The following MSH3 variants were observed in gnomAD, a reference collection of about 807,000 sequenced individuals.
The protein encoded by MSH3 is DNA mismatch repair protein Msh3.
In MSH3, 106 loss-of-function variants were observed where a neutral mutation model predicts 123.3. The ratio of observed to expected loss-of-function variants is 0.86; its 90% CI spans 0.73 to 1.01. MSH3 has a LOEUF of 1.01. MSH3 is among the 50% of genes least tolerant of loss of function. The probability of loss-of-function intolerance (pLI) is 0.00; values close to 1 mark genes in which losing one functional copy is unlikely to be tolerated. For synonymous variants in MSH3, 515 were observed against 481.4 expected, an observed-to-expected ratio of 1.07 and a Z score of -0.91; for missense variants, 1,459 against 1,347.6, an observed-to-expected ratio of 1.08 and a Z score of -1.29.
Position 80,675,250 on chromosome 5 carries a change from A to G in MSH3, c.1173+122A>G. The G allele has an allele frequency of 2.6e-6, 3 of 1,147,976 alleles. No homozygotes were observed. The Admixed American group carries it at 6.1e-5, about 23-fold the overall frequency. 71.1% of individuals were successfully genotyped at this position (1,147,976 alleles called of 1,614,324 possible). On this transcript the variant is annotated intron_variant, in intron 7 of 23. Coordinates refer to ENST00000265081, the MANE Select transcript of MSH3 (RefSeq NM_002439.5). ...GTGTACCTTCAGATAATTATACAAG[A>G]AAAACATTTTTCTCACAATATTATA...
At chr5:80,761,465 A>G in intron 12 of MSH3, 81 bp from the exon 13 acceptor site, 2 of 1,539,142 alleles carry the variant, frequency 1.3e-6, no homozygotes, top group Non-Finnish European at 1.8e-6. Context: ...GCTGTGTCAC[A>G]TTCCTGGGCA....
At chr5:80,800,138 A>C (rs1744767054) in intron 19 of MSH3, among the ~76,000 whole-genome samples, 1 of 152,262 alleles carries the variant, frequency 6.6e-6, no homozygotes. Flanking sequence ...GGAACACTTA[A>C]TAGAATGTAC....
At position 80,674,997 on chromosome 5, in the gene MSH3, A is replaced by G. The variant is rs1470780981; in HGVS notation, c.1042A>G (p.Ile348Val). Residue 348 changes from isoleucine to valine, a missense_variant, in exon 7 of 24, where the codon ATC (isoleucine) becomes GTC (valine). Coordinates refer to ENST00000265081, the MANE Select transcript of MSH3 (RefSeq NM_002439.5). ...ATTATTATTAAATGTGAATCCCCTA[A>G]TCAAGCTGGATGATGCTGTAAATGT... ...TLIGEDVNPL[I>V]KLDDAVNVDE... The G allele has an allele frequency of 1.2e-6, 2 of 1,607,890 alleles. No individual in the cohort carries two copies. Among genetic ancestry groups the G allele is most frequent in the Admixed American group, 1.7e-5 (1 of 59,992 alleles).
intron 20 of MSH3, among the ~76,000 whole-genome samples, chr5:80,820,378 G>A (rs770523277): frequency 6.6e-6 from 1 of 152,162 alleles, no homozygotes; most frequent in Non-Finnish European, 1.5e-5. Context: ...ATATTGGGTA[G>A]TATCACACAG....
chr5:80,867,814 G>A (rs554119176), intron 22 of MSH3, among the ~76,000 whole-genome samples: 1 of 152,224 alleles, frequency 6.6e-6, no homozygotes, highest in South Asian at 2.1e-4. Flanking sequence ...ATAGATGGTG[G>A]ATATTAGACC....
At chr5:80,811,070 A>G (rs993213114) in intron 19 of MSH3, among the ~76,000 whole-genome samples, 3 of 152,070 alleles carry the variant, frequency 2.0e-5, no homozygotes, top group Admixed American at 2.0e-4. Context: ...TCTGTCCCCA[A>G]GCGTTTTGGA....
At chr5:80,848,365 A>C (rs990652430) in intron 20 of MSH3, among the ~76,000 whole-genome samples, 2 of 152,152 alleles carry the variant, frequency 1.3e-5, no homozygotes, top group Admixed American at 1.3e-4. Flanking sequence ...TTCTTCATAG[A>C]CTTTTCTTGT....
rs71879707 is a variant in MSH3, at chr5:80,876,628, C to CAA, written c.*778_*779dup. 1.6e-5 allele frequency among the ~76,000 whole-genome samples: 2 copies of CAA among 126,266 alleles called. No individual in the cohort carries two copies. Among genetic ancestry groups the CAA allele is most frequent in the African/African-American group, 3.1e-5 (1 of 32,390 alleles). The allele number at this position is 126,266 out of a possible 152,430, so 82.8% of individuals were successfully genotyped here. On this transcript the variant is annotated 3_prime_UTR_variant, in exon 24 of 24. Coordinates refer to ENST00000265081, the MANE Select transcript of MSH3 (RefSeq NM_002439.5). ...TGGGCAACAGAGCAAGACTCCATCT[C>CAA]AAAAAAAAAAAAAGAAAAAAGAAAA...
chr5:80,729,070 T>C, intron 10 of MSH3, 105 bp downstream of exon 10: 1 of 732,764 alleles, frequency 1.4e-6, no homozygotes, highest in Non-Finnish European at 2.4e-6. Flanking sequence ...CTGCTATTGA[T>C]AGAATACTAG....
At chr5:80,720,480 C>T (rs1357648965) in intron 8 of MSH3, among the ~76,000 whole-genome samples, 1 of 148,052 alleles carries the variant, frequency 6.8e-6, no homozygotes, top group Non-Finnish European at 1.5e-5. Flanking sequence ...CTTTCATTTC[C>T]TGCTTCTTAT....
At chr5:80,851,991 T>G (rs1745837736) in intron 20 of MSH3, among the ~76,000 whole-genome samples, 1 of 152,200 alleles carries the variant, frequency 6.6e-6, no homozygotes, top group Admixed American at 6.5e-5. Flanking sequence ...TTTACTGTTT[T>G]AGAAAGCACT....
rs1749546941 is a variant in MSH3, at chr5:80,665,344, A to G, written c.560A>G (p.Lys187Arg). The stretch of plus-strand genomic sequence containing the variant: ...AATGCAGTTTCTTCTGAAGATTCGA[A>G]ACGTCAAATTAATCAAAAGGTATGT... The part of the protein sequence containing the change: ...AKNAVSSEDS[K>R]RQINQKDTTL... Residue 187 changes from lysine to arginine, a missense_variant, in exon 3 of 24, where the codon AAA becomes AGA. Physicochemically the swap from Lys to Arg is conservative, Grantham distance 26. Transcript: ENST00000265081. 6.2e-7 allele frequency: 1 copy of G among 1,612,336 alleles called. No homozygotes were observed. The highest frequency in any genetic ancestry group is 8.5e-7 in the Non-Finnish European group (1 of 1,179,648).
intron 18 of MSH3, 62 bp from the exon 19 acceptor site, chr5:80,792,671 A>T: frequency 2.0e-6 from 2 of 1,002,046 alleles, no homozygotes; most frequent in East Asian, 2.5e-5. Flanking sequence ...ATGCTATCTT[A>T]GAGTTTTTTT....
intron 20 of MSH3, among the ~76,000 whole-genome samples, chr5:80,845,268 C>G (rs1745700612): frequency 6.6e-6 from 1 of 152,204 alleles, no homozygotes; most frequent in African/African-American, 2.4e-5. Context: ...GCCAAGAGAT[C>G]CACTGTTAGT....
chr5:80,721,652 T>C (rs1464926563), intron 8 of MSH3, among the ~76,000 whole-genome samples: 1 of 152,212 alleles, frequency 6.6e-6, no homozygotes, highest in African/African-American at 2.4e-5. Context: ...GATGCAGTTA[T>C]AGTGTAGTAC....
rs1409167203 is a variant in MSH3, at chr5:80,838,697, A to G, written c.2814-15433A>G. Among the ~76,000 whole-genome samples the G allele has an allele frequency of 4.6e-5, 7 of 152,184 alleles. No individual in the cohort carries two copies. In the East Asian group the frequency reaches 1.4e-3, roughly 29 times the overall value. On this transcript the variant is annotated intron_variant, in intron 20 of 23. Transcript: ENST00000265081. ...GAGTAGAGGATTTTTTTTTTAATCA[A>G]CCTCTTCTTTTTACAGACAAGGAAG...
intron 10 of MSH3, among the ~76,000 whole-genome samples, chr5:80,739,761 C>T (rs6151742): frequency 0.011 from 1,634 of 152,288 alleles, 10 homozygotes; most frequent in Non-Finnish European, 0.017. Flanking sequence ...TACTAGGCAA[C>T]GTTCCTAATT....
intron 8 of MSH3, among the ~76,000 whole-genome samples, chr5:80,705,485 CTCTT>C (rs1396006298): frequency 1.3e-5 from 2 of 152,222 alleles, no homozygotes; most frequent in Non-Finnish European, 2.9e-5. Context: ...CCACAGCTCT[CTCTT>C]CAATCTGTTT....
chr5:80,759,282 G>T (rs956933033), intron 12 of MSH3, among the ~76,000 whole-genome samples: 1 of 152,182 alleles, frequency 6.6e-6, no homozygotes, highest in Non-Finnish European at 1.5e-5. Flanking sequence ...GGAAAAGACG[G>T]TAGTATGGGA....
Sources: gnomAD v4.1 joint callset for allele counts (sites outside exome capture counted in the v4.1 genomes callset) on GRCh38, gnomAD v4.1.1 for gene constraint, MANE v1.5 for transcripts, NCBI Gene and HGNC (gene_info 2026-07-23, HGNC 2026-07-21) for gene names.